PCDH15: variants seen among roughly 807,000 people sequenced by gnomAD.
PCDH15 encodes the protein protocadherin-15.
In PCDH15, 129 loss-of-function variants were observed where a neutral mutation model predicts 178.5. The ratio of observed to expected loss-of-function variants is 0.72; its 90% CI spans 0.63 to 0.84. The LOEUF is 0.84. Ranked by LOEUF, PCDH15 falls within the 40% of genes least tolerant of loss-of-function variation. The pLI, the probability that PCDH15 is intolerant of heterozygous loss-of-function variation, is 0.00. For missense variants in PCDH15, 2,230 were observed against 2,099.9 expected (o/e 1.06, Z -1.21); for synonymous variants, 800 against 732.0 (o/e 1.09, Z -1.50).
intron 3 of PCDH15, among the ~76,000 whole-genome samples, chr10:54,857,019 C>T (rs1356626950): frequency 3.9e-4 from 59 of 152,036 alleles, no homozygotes; most frequent in Admixed American, 3.9e-3. Context: ...CTGACACAAC[C>T]CTCTGAGGAC....
intron 2 of PCDH15, among the ~76,000 whole-genome samples, chr10:55,049,036 G>C (rs890083407): frequency 6.6e-6 from 1 of 151,912 alleles, no homozygotes; most frequent in African/African-American, 2.4e-5. Context: ...AGAGACCATT[G>C]CTGCACTCAT....
chr10:55,057,252 T>C (rs1364749616), intron 2 of PCDH15, among the ~76,000 whole-genome samples: 1 of 152,186 alleles, frequency 6.6e-6, no homozygotes, highest in Non-Finnish European at 1.5e-5. Context: ...TTTCCTTTAG[T>C]GGTTGTAATT....
rs79981179 is a variant in PCDH15 at position 55,479,308 on chromosome 10, T to C, written c.-156+148317A>G. Among the ~76,000 whole-genome samples, 716 of 151,798 alleles carry C rather than the reference T, an allele frequency of 4.7e-3. 7 individuals are homozygous for C. The highest frequency in any genetic ancestry group is 0.016 in the African/African-American group (682 of 41,488). ...GTCATTCAGTAATATCAGGTGGGGTTTATCCCAGCAATGCAAAGATGATTC... is the reference window on the plus strand; with the variant it reads ...GTCATTCAGTAATATCAGGTGGGGTCTATCCCAGCAATGCAAAGATGATTC... On this transcript the variant is annotated intron_variant, in intron 2 of 5. Coordinates refer to the PCDH15 transcript ENST00000613346.
chr10:55,098,637 C>T (rs1051705343), intron 2 of PCDH15, among the ~76,000 whole-genome samples: 17 of 152,054 alleles, frequency 1.1e-4, no homozygotes, highest in South Asian at 8.3e-4. Flanking sequence ...AGACAATGAC[C>T]CCATTTGCAT....
intron 3 of PCDH15, among the ~76,000 whole-genome samples, chr10:54,428,785 A>G (rs1956603394): frequency 6.6e-6 from 1 of 152,246 alleles, no homozygotes; most frequent in Non-Finnish European, 1.5e-5. Context: ...AGAGGGTGGC[A>G]TGACACATAT....
chr10:54,287,109 T>A (rs1220980906), intron 8 of PCDH15, among the ~76,000 whole-genome samples: 1 of 152,246 alleles, frequency 6.6e-6, no homozygotes, highest in Non-Finnish European at 1.5e-5. Flanking sequence ...CTAGTATTTC[T>A]ATTCCTTTTT....
At chr10:54,970,317 A>G (rs1470367926) in intron 2 of PCDH15, among the ~76,000 whole-genome samples, 1 of 152,222 alleles carries the variant, frequency 6.6e-6, no homozygotes, top group African/African-American at 2.4e-5. Flanking sequence ...CCAAGAAGTT[A>G]GGTATTTCTA....
intron 3 of PCDH15, among the ~76,000 whole-genome samples, chr10:54,865,179 C>G (rs541418068): frequency 6.6e-5 from 10 of 152,284 alleles, no homozygotes; most frequent in Non-Finnish European, 1.2e-4. Flanking sequence ...AAGACCTAGC[C>G]TCACTCTGGG....
At chr10:54,701,046 A>G (rs183287383) in intron 1 of PCDH15, among the ~76,000 whole-genome samples, 1 of 152,228 alleles carries the variant, frequency 6.6e-6, no homozygotes, top group Non-Finnish European at 1.5e-5. Context: ...TGAAGAGATT[A>G]GGGGCCTATA....
intron 30 of PCDH15, among the ~76,000 whole-genome samples, chr10:53,830,118 A>G (rs1329180821): frequency 2.0e-5 from 3 of 152,122 alleles, no homozygotes; most frequent in Non-Finnish European, 2.9e-5. Flanking sequence ...CCTGACCAAC[A>G]TGGTGAAACC....
intron 2 of PCDH15, among the ~76,000 whole-genome samples, chr10:54,966,672 C>A (rs1008806038): frequency 1.3e-5 from 2 of 152,078 alleles, no homozygotes; most frequent in African/African-American, 4.8e-5. Context: ...TTCTCCCATA[C>A]TGTTCTCATG....
chr10:54,693,657 TTCCC>T (rs2095169066), intron 1 of PCDH15, among the ~76,000 whole-genome samples: 1 of 152,162 alleles, frequency 6.6e-6, no homozygotes, highest in African/African-American at 2.4e-5. Flanking sequence ...TATCACACCT[TTCCC>T]TGAAGAAGAA....
chr10:53,825,100 T>G (rs2132542274), intron 32 of PCDH15: 1 of 1,523,186 alleles, frequency 6.6e-7, no homozygotes, highest in Non-Finnish European at 8.8e-7. Flanking sequence ...TCTATTTTTC[T>G]AACGCTCTTC....
At chr10:54,179,590 A>G (rs1172996652) in intron 13 of PCDH15, among the ~76,000 whole-genome samples, 1 of 152,158 alleles carries the variant, frequency 6.6e-6, no homozygotes, top group Non-Finnish European at 1.5e-5. Flanking sequence ...TAAAATTTAA[A>G]AAAAAAGAAG....
chr10:54,008,307 T>C (rs2092451895), intron 20 of PCDH15, among the ~76,000 whole-genome samples: 1 of 152,188 alleles, frequency 6.6e-6, no homozygotes, highest in Admixed American at 6.5e-5. Flanking sequence ...AAGCAATTGA[T>C]ACAACACGAA....
At chr10:53,861,487 T>C (rs1263395316) in intron 27 of PCDH15, among the ~76,000 whole-genome samples, 1 of 152,128 alleles carries the variant, frequency 6.6e-6, no homozygotes, top group Non-Finnish European at 1.5e-5. Context: ...CATAAGTTTC[T>C]TTTCTTTCTT....
At chr10:53,943,272 T>C (rs1036135792) in intron 23 of PCDH15, among the ~76,000 whole-genome samples, 9 of 152,006 alleles carry the variant, frequency 5.9e-5, no homozygotes, top group African/African-American at 1.9e-4. Flanking sequence ...GTGAATCCCC[T>C]GAGGTCAGGA....
Position 54,191,351 on chromosome 10 carries a change from G to A in PCDH15, c.1305+4332C>T, listed in dbSNP as rs566611053. 7.2e-5 allele frequency among the ~76,000 whole-genome samples: 11 copies of A among 152,284 alleles called. No individual in the cohort carries two copies. The South Asian group carries it at 1.7e-3, about 23-fold the overall frequency. On this transcript the variant is annotated intron_variant, in intron 11 of 37. Transcript: ENST00000644397. The stretch of plus-strand genomic sequence containing the variant: ...TGGAAAGATTCTCGAATGAAGGAAT[G>A]CCTGAGGTGAGCTCTAAACACTGAG...
intron 3 of PCDH15, among the ~76,000 whole-genome samples, chr10:54,875,305 T>A (rs982505737): frequency 6.6e-6 from 1 of 152,164 alleles, no homozygotes; most frequent in Non-Finnish European, 1.5e-5. Flanking sequence ...ATTGTGTATG[T>A]TCTCACTGCT....
Sources: gnomAD v4.1 joint callset for allele counts (sites outside exome capture counted in the v4.1 genomes callset) on GRCh38, gnomAD v4.1.1 for gene constraint, MANE v1.5 for transcripts, NCBI Gene and HGNC (gene_info 2026-07-23, HGNC 2026-07-21) for gene names.